SLC5A3: variants seen among roughly 807,000 people sequenced by gnomAD.
SLC5A3 encodes sodium/myo-inositol cotransporter.
A neutral mutation model predicts 43.2 loss-of-function variants in SLC5A3; 10 were observed. The ratio of observed to expected loss-of-function variants is 0.23; its 90% CI spans 0.14 to 0.39. The LOEUF is 0.39. Ranked by LOEUF, SLC5A3 falls within the 10% of genes least tolerant of loss-of-function variation. The pLI, the probability that SLC5A3 is intolerant of heterozygous loss-of-function variation, is 1.00. For missense variants in SLC5A3, 608 were observed against 893.4 expected, an observed-to-expected ratio of 0.68 and a Z score of 4.07; for synonymous variants, 349 against 322.0, an observed-to-expected ratio of 1.08 and a Z score of -0.90.
Position 34,103,315 on chromosome 21 carries a change from T to TAAA in SLC5A3, c.*5974_*5976dup, listed in dbSNP as rs11433558. The stretch of plus-strand genomic sequence containing the variant: ...ATTTTGTCGTAACTAGTGAAGGAAG[T>TAAA]AAAAAAAAAAAAAAAACATGCATTA... On this transcript the variant is annotated 3_prime_UTR_variant, in exon 2 of 2. Transcript: ENST00000381151. The TAAA allele has an allele frequency of 6.7e-4, 606 of 910,140 alleles. No individual in the cohort carries two copies. Among genetic ancestry groups the TAAA allele is most frequent in the East Asian group, 4.5e-3 (37 of 8,212 alleles). 56.4% of individuals were successfully genotyped at this position (910,140 alleles called of 1,614,324 possible).
In SLC5A3 at chr21:34,101,288, C is replaced by T; in HGVS notation, c.*3933C>T. On this transcript the variant is annotated 3_prime_UTR_variant, in exon 2 of 2. Transcript: ENST00000381151. Reference sequence around the variant, plus strand: ...GCTCTCAGCTACTTTAAACTCCTCCCCATATAAATCAGGGCACCAATAAAT... The same window carrying T: ...GCTCTCAGCTACTTTAAACTCCTCCTCATATAAATCAGGGCACCAATAAAT... 1.0e-6 allele frequency: 1 copy of T among 1,000,136 alleles called. No homozygotes were observed. The highest frequency in any genetic ancestry group is 1.2e-6 in the Non-Finnish European group (1 of 829,936). The allele number at this position is 1,000,136 out of a possible 1,614,324, so 62.0% of individuals were successfully genotyped here. A position where few individuals can be genotyped will look rare whatever the true frequency, so the allele number is the denominator to read the frequency against.
In SLC5A3 at chr21:34,096,320, T is replaced by A. The variant is rs1398467557; in HGVS notation, c.1122T>A (p.Ala374=). The change falls in exon 2 of 2, where the codon GCT becomes GCA. Residue 374 remains alanine (A), a synonymous_variant. Transcript: ENST00000381151. The surrounding 1 kb of genome is among the most constrained non-coding windows in gnomAD (Gnocchi z 5.9). ...RGLMMAVMIA[A]LMSDLDSIFN... ...TAATGATGGCAGTGATGATTGCAGCTCTGATGAGTGACTTAGACTCTATCT... is the reference window on the plus strand; with the variant it reads ...TAATGATGGCAGTGATGATTGCAGCACTGATGAGTGACTTAGACTCTATCT... The A allele has an allele frequency of 2.5e-6, 4 of 1,614,142 alleles. No homozygotes were observed.
rs915124504 is a variant in SLC5A3, at chr21:34,096,407, C to T, written c.1209C>T (p.Ser403=). 3.1e-6 allele frequency: 5 copies of T among 1,614,068 alleles called. No individual in the cohort carries two copies. Among genetic ancestry groups the T allele is most frequent in the Non-Finnish European group, 4.2e-6 (5 of 1,180,030 alleles). Residue 403 remains serine (S), a synonymous_variant, in exon 2 of 2, where the codon AGC becomes AGT. Coordinates refer to ENST00000381151, the MANE Select transcript of SLC5A3 (RefSeq NM_006933.7). This position sits in a 1 kb window ranked among gnomAD's most constrained non-coding sequence, Gnocchi z 5.9. ...DVYKLIRKSA[S]SRELMIVGRI... Reference sequence around the variant, plus strand: ...ACAAACTTATCCGCAAGAGCGCAAGCTCCCGGGAGTTAATGATTGTGGGGA... The same window carrying T: ...ACAAACTTATCCGCAAGAGCGCAAGTTCCCGGGAGTTAATGATTGTGGGGA...
rs1415143824 is a variant in SLC5A3 at position 34,105,255 on chromosome 21, C to G, written c.*7900C>G. 1 of 1,000,132 alleles carries G rather than the reference C, an allele frequency of 1.0e-6. No individual in the cohort carries two copies. The highest frequency in any genetic ancestry group is 1.1e-4 in the East Asian group (1 of 8,820). The allele number at this position is 1,000,132 out of a possible 1,614,324, so 62.0% of individuals were successfully genotyped here. A position where few individuals can be genotyped will look rare whatever the true frequency, so the allele number is the denominator to read the frequency against. On this transcript the variant is annotated 3_prime_UTR_variant, in exon 2 of 2. Coordinates refer to ENST00000381151, the MANE Select transcript of SLC5A3 (RefSeq NM_006933.7). ...CTTGGACATCCCATTTTCTTTTGTC[C>G]AGACCCATGTTGGCAATCATGTATG...
chr21:34,082,955 A>T (rs1255032115), intron 1 of SLC5A3, among the ~76,000 whole-genome samples: 1 of 152,020 alleles, frequency 6.6e-6, no homozygotes, highest in Non-Finnish European at 1.5e-5. Context: ...GAAAGCTTAA[A>T]AATGAAATTG....
At position 34,096,662 on chromosome 21, in the gene SLC5A3, C is replaced by G; in HGVS notation, c.1464C>G (p.Ala488=). The G allele has an allele frequency of 6.2e-7, 1 of 1,614,146 alleles. No individual in the cohort carries two copies. The highest frequency in any genetic ancestry group is 8.5e-7 in the Non-Finnish European group (1 of 1,180,006). The change falls in exon 2 of 2, where the codon GCC becomes GCG. Residue 488 remains alanine, a synonymous_variant. Coordinates refer to ENST00000381151, the MANE Select transcript of SLC5A3 (RefSeq NM_006933.7). This position sits in a 1 kb window ranked among gnomAD's most constrained non-coding sequence, Gnocchi z 5.9. ...FVLGAVRLIL[A]FAYRAPECDQ... ...TTGGAGCAGTCCGTTTGATACTGGC[C>G]TTTGCCTACCGTGCCCCAGAATGTG... is the stretch of plus-strand genomic sequence containing the variant.
chr21:34,095,253 C>T lies in SLC5A3; in HGVS notation c.55C>T (p.Leu19=). 6.2e-7 allele frequency: 1 copy of T among 1,614,022 alleles called. No homozygotes were observed. The highest frequency in any genetic ancestry group is 8.5e-7 in the Non-Finnish European group (1 of 1,179,930). ...DIAIVALYFI[L]VMCIGFFAMW... Reference sequence around the variant, plus strand: ...TGCCATAGTGGCCCTGTATTTTATCCTGGTCATGTGCATTGGTTTTTTTGC... The same window carrying T: ...TGCCATAGTGGCCCTGTATTTTATCTTGGTCATGTGCATTGGTTTTTTTGC... The change falls in exon 2 of 2, where the codon CTG becomes TTG. Residue 19 remains leucine (L), a synonymous_variant. Coordinates refer to ENST00000381151, the MANE Select transcript of SLC5A3 (RefSeq NM_006933.7).
rs1471065415 is a variant in SLC5A3 at position 34,093,613 on chromosome 21, C to T, written c.-336-1250C>T. ...AGAAAAAGCATGGAAAAACATTCTT[C>T]TCTGAGGTTGCCTTATTGGAAAAGG... On this transcript the variant is annotated intron_variant, in intron 1 of 1. Coordinates refer to ENST00000381151, the MANE Select transcript of SLC5A3 (RefSeq NM_006933.7). Among the ~76,000 whole-genome samples, 9 of 151,914 alleles carry T rather than the reference C, an allele frequency of 5.9e-5. No individual in the cohort carries two copies. In the South Asian group the frequency reaches 1.7e-3, roughly 28 times the overall value.
In SLC5A3 at chr21:34,097,072, A is replaced by G; in HGVS notation, c.1874A>G (p.Glu625Gly). 1 of 1,614,150 alleles carries G rather than the reference A, an allele frequency of 6.2e-7. No individual in the cohort carries two copies. Among genetic ancestry groups the G allele is most frequent in the Non-Finnish European group, 8.5e-7 (1 of 1,180,000 alleles). The change falls in exon 2 of 2, where the codon GAA becomes GGA. Residue 625 changes from glutamate to glycine, a missense_variant. Glu to Gly is a moderately conservative substitution (Grantham distance 98). Transcript: ENST00000381151. ...GCATCCTTAGGTCATTCAGAGGCAG[A>G]AACACCAGTTGACGCTTACTCCAAT... is the stretch of plus-strand genomic sequence containing the variant. The part of the protein sequence containing the change: ...PVASLGHSEA[E>G]TPVDAYSNGQ...
Position 34,100,556 on chromosome 21 carries a change from T to C in SLC5A3, c.*3201T>C, listed in dbSNP as rs16991200. The C allele has an allele frequency of 5.5e-3, 5,469 of 1,000,246 alleles. 107 individuals carry two copies. In the South Asian group the frequency reaches 0.078, roughly 14 times the overall value. 62.0% of individuals were successfully genotyped at this position (1,000,246 alleles called of 1,614,324 possible). ...CTTGGCTCAAAGGATCCATTGTATT[T>C]TGGCACAAAGAGCCTGGCCAGGGTC... On this transcript the variant is annotated 3_prime_UTR_variant, in exon 2 of 2. Coordinates refer to ENST00000381151, the MANE Select transcript of SLC5A3 (RefSeq NM_006933.7).
intron 1 of SLC5A3, among the ~76,000 whole-genome samples, chr21:34,092,415 C>T (rs542513214): frequency 6.6e-6 from 1 of 152,112 alleles, no homozygotes; most frequent in African/African-American, 2.4e-5. Flanking sequence ...GGGAACTGTC[C>T]GCAGTGGCTT....
chr21:34,100,872 A>G lies in SLC5A3; in HGVS notation c.*3517A>G. On this transcript the variant is annotated 3_prime_UTR_variant, in exon 2 of 2. Transcript: ENST00000381151. Reference sequence around the variant, plus strand: ...TTACCACCAAATAAAGCGGCTTATTAGCTACTCAGTTACTTGCTACTCAAA... The same window carrying G: ...TTACCACCAAATAAAGCGGCTTATTGGCTACTCAGTTACTTGCTACTCAAA... The G allele has an allele frequency of 1.0e-6, 1 of 1,000,138 alleles. No homozygotes were observed. Among genetic ancestry groups the G allele is most frequent in the Non-Finnish European group, 1.2e-6 (1 of 829,922 alleles). The allele number at this position is 1,000,138 out of a possible 1,614,324, so 62.0% of individuals were successfully genotyped here. A position where few individuals can be genotyped will look rare whatever the true frequency, so the allele number is the denominator to read the frequency against.
In SLC5A3 at chr21:34,097,284, G is replaced by T; in HGVS notation, c.2086G>T (p.Val696Leu). The change falls in exon 2 of 2, where the codon GTA (valine) becomes TTA (leucine). Residue 696 changes from valine to leucine, a missense_variant. Val to Leu is a conservative substitution (Grantham distance 32, BLOSUM62 1). Coordinates refer to ENST00000381151, the MANE Select transcript of SLC5A3 (RefSeq NM_006933.7). Reference protein sequence around the residue: ...QMLEETRQVKVILNIGLFAVC... With the variant: ...QMLEETRQVKLILNIGLFAVC... The stretch of plus-strand genomic sequence containing the variant: ...GCTAGAAGAGACTCGGCAAGTTAAA[G>T]TAATACTAAATATTGGACTTTTTGC... 3 of 1,613,416 alleles carry T rather than the reference G, an allele frequency of 1.9e-6. No individual in the cohort carries two copies. The highest frequency in any genetic ancestry group is 2.5e-6 in the Non-Finnish European group (3 of 1,179,754).
intron 1 of SLC5A3, among the ~76,000 whole-genome samples, chr21:34,074,832 C>T (rs547127009): frequency 2.0e-5 from 3 of 152,334 alleles, no homozygotes; most frequent in African/African-American, 4.8e-5. Flanking sequence ...TTTGGTTGAA[C>T]TTAAGCTCAA....
rs1003660123 is a variant in SLC5A3 at position 34,104,383 on chromosome 21, C to T, written c.*7028C>T. 27 of 1,000,018 alleles carry T rather than the reference C, an allele frequency of 2.7e-5. No homozygotes were observed. The highest frequency in any genetic ancestry group is 6.2e-5 in the Admixed American group (1 of 16,254). 61.9% of individuals were successfully genotyped at this position (1,000,018 alleles called of 1,614,324 possible). A position where few individuals can be genotyped will look rare whatever the true frequency, so the allele number is the denominator to read the frequency against. ...CTTTTCCACCTCCTCACTTCACCTCCGAGTAGCTTGTTTATCAAGAATGAA... is the reference window on the plus strand; with the variant it reads ...CTTTTCCACCTCCTCACTTCACCTCTGAGTAGCTTGTTTATCAAGAATGAA... On this transcript the variant is annotated 3_prime_UTR_variant, in exon 2 of 2. Transcript: ENST00000381151.
chr21:34,092,293 GGTTTT>G (rs2148658069), intron 1 of SLC5A3, among the ~76,000 whole-genome samples: 1 of 152,088 alleles, frequency 6.6e-6, no homozygotes, highest in Non-Finnish European at 1.5e-5. Context: ...ACCTGTTTTT[GGTTTT>G]GTTTTTCCTT....
chr21:34,100,335 C>T lies in SLC5A3; in HGVS notation c.*2980C>T, dbSNP rs144821723. The T allele has an allele frequency of 5.7e-4, 575 of 1,000,190 alleles. 7 individuals are homozygous for T. In the African/African-American group the frequency reaches 9.4e-3, roughly 16 times the overall value. 62.0% of individuals were successfully genotyped at this position (1,000,190 alleles called of 1,614,324 possible). Reference sequence around the variant, plus strand: ...ATATTTTGTGGGACCTCTAATTTCCCTGGTCATCTTTCAGAATATTCTGTT... The same window carrying T: ...ATATTTTGTGGGACCTCTAATTTCCTTGGTCATCTTTCAGAATATTCTGTT... On this transcript the variant is annotated 3_prime_UTR_variant, in exon 2 of 2. Transcript: ENST00000381151.
rs111559907 is a variant in SLC5A3 at position 34,099,176 on chromosome 21, T to C, written c.*1821T>C. ...GAATAGCATGTATTTCTGAAGAGCT[T>C]AGAGTGCCTTGTAGAATTTTTTTCT... On this transcript the variant is annotated 3_prime_UTR_variant, in exon 2 of 2. Coordinates refer to ENST00000381151, the MANE Select transcript of SLC5A3 (RefSeq NM_006933.7). 1 of 999,592 alleles carries C rather than the reference T, an allele frequency of 1.0e-6. No homozygotes were observed. Among genetic ancestry groups the C allele is most frequent in the African/African-American group, 1.7e-5 (1 of 57,352 alleles). The allele number at this position is 999,592 out of a possible 1,614,324, so 61.9% of individuals were successfully genotyped here.
In SLC5A3 at chr21:34,104,824, C is replaced by T; in HGVS notation, c.*7469C>T. On this transcript the variant is annotated 3_prime_UTR_variant, in exon 2 of 2. Transcript: ENST00000381151. ...ATCCTACGTACTATGTGTTCTGTAC[C>T]TTTACATGTTTTTAAATTTAAGATA... 3.0e-6 allele frequency: 3 copies of T among 999,896 alleles called. No homozygotes were observed. The highest frequency in any genetic ancestry group is 9.4e-5 in the South Asian group (2 of 21,276). The allele number at this position is 999,896 out of a possible 1,614,324, so 61.9% of individuals were successfully genotyped here. A position where few individuals can be genotyped will look rare whatever the true frequency, so the allele number is the denominator to read the frequency against.
Sources: allele counts gnomAD v4.1 joint callset (sites outside exome capture counted in the v4.1 genomes callset), GRCh38; gene constraint gnomAD v4.1.1; non-coding constraint Gnocchi (gnomAD v3.1); transcripts MANE v1.5; gene names NCBI Gene and HGNC (gene_info 2026-07-23, HGNC 2026-07-21).